Variants in MLPH observed in about 807,000 individuals in gnomAD.
MLPH encodes the protein melanophilin.
In MLPH, 51 loss-of-function variants were observed where a neutral mutation model predicts 72.1. The observed-to-expected ratio is 0.71, with a 90% CI of 0.56 to 0.89. The LOEUF (loss-of-function observed/expected upper bound fraction) is 0.89. Ranked by LOEUF, MLPH falls within the 40% of genes least tolerant of loss-of-function variation. The pLI, the probability that MLPH is intolerant of heterozygous loss-of-function variation, is 0.00. For missense variants in MLPH, 743 were observed against 759.9 expected, an observed-to-expected ratio of 0.98 and a Z score of 0.26; for synonymous variants, 301 against 310.1, an observed-to-expected ratio of 0.97 and a Z score of 0.31.
At chr2:237,503,806 C>T (rs575815964) in intron 2 of MLPH, among the ~76,000 whole-genome samples, 3 of 152,058 alleles carry the variant, frequency 2.0e-5, no homozygotes, top group South Asian at 2.1e-4. Flanking sequence ...GGATGCTTAC[C>T]GGTGGTAAGC....
chr2:237,528,948 T>C (rs543718757), intron 8 of MLPH, among the ~76,000 whole-genome samples: 3 of 152,230 alleles, frequency 2.0e-5, no homozygotes, highest in Non-Finnish European at 2.9e-5. Context: ...TTCATTCCTT[T>C]TTATGAAAAT....
intron 9 of MLPH, among the ~76,000 whole-genome samples, chr2:237,539,008 G>A (rs998201402): frequency 5.9e-5 from 9 of 152,334 alleles, no homozygotes; most frequent in South Asian, 4.1e-4. Context: ...GGAGGGAGCC[G>A]CTGCAGGAGA....
chr2:237,538,120 G>A (rs1019939008), intron 9 of MLPH, among the ~76,000 whole-genome samples: 1 of 152,256 alleles, frequency 6.6e-6, no homozygotes, highest in Non-Finnish European at 1.5e-5. Flanking sequence ...TCCTGACGAT[G>A]GGGAGGTGGC....
Position 237,542,569 on chromosome 2 carries a change from T to C in MLPH, c.1449T>C (p.Val483=). The C allele has an allele frequency of 1.3e-6, 2 of 1,599,078 alleles. No individual in the cohort carries two copies. Among genetic ancestry groups the C allele is most frequent in the Non-Finnish European group, 1.7e-6 (2 of 1,173,444 alleles). ...TTCTGTCTGCTGTCCTCTCGCAGGT[T>C]TCAGACATTGAATCCAGGATTGCAG... ...ASEVQQAESE[V]SDIESRIAAL... is the part of the protein sequence containing the mutation. The change falls in exon 12 of 16, where the codon GTT becomes GTC. Residue 483 remains valine (V), a splice_region_variant and synonymous_variant. Coordinates refer to ENST00000264605, the MANE Select transcript of MLPH (RefSeq NM_024101.7).
intron 2 of MLPH, among the ~76,000 whole-genome samples, chr2:237,508,308 C>T (rs1401452964): frequency 6.6e-6 from 1 of 152,052 alleles, no homozygotes; most frequent in Non-Finnish European, 1.5e-5. Flanking sequence ...GACGGGGTTT[C>T]ACCATGTTGG....
intron 4 of MLPH, chr2:237,518,312 T>G (rs1574861699): frequency 1.6e-6 from 1 of 618,232 alleles, no homozygotes; most frequent in Non-Finnish European, 3.0e-6. Flanking sequence ...AATGGGTGGG[T>G]GGGTAGGTGA....
rs138440069 is a variant in MLPH, at chr2:237,512,475, T to G, written c.445+1374T>G. Among the ~76,000 whole-genome samples, 14 of 152,216 alleles carry G rather than the reference T, an allele frequency of 9.2e-5. No individual in the cohort carries two copies. In the East Asian group the frequency reaches 2.7e-3, roughly 29 times the overall value. On this transcript the variant is annotated intron_variant, in intron 4 of 15. Transcript: ENST00000264605. This position sits in a 1 kb window ranked among gnomAD's most constrained non-coding sequence, Gnocchi z 5.5. The stretch of plus-strand genomic sequence containing the variant: ...TCAATCATCCAAACCAGGGCATTTT[T>G]AAGAGTAAAAGGAGGCTCTACTGAT...
rs976214292 is a variant in MLPH at position 237,546,788 on chromosome 2, T to G, written c.1617+105T>G. The stretch of plus-strand genomic sequence containing the variant: ...ACGGGGTGGCAGAGATGCAATGTCC[T>G]CACAGCTACCCACACAGCAATGCCC... On this transcript the variant is annotated intron_variant, in intron 13 of 15. Transcript: ENST00000264605. 1.9e-5 allele frequency: 18 copies of G among 928,976 alleles called. No individual in the cohort carries two copies. In the African/African-American group the frequency reaches 2.9e-4, roughly 15 times the overall value. 57.5% of individuals were successfully genotyped at this position (928,976 alleles called of 1,614,324 possible). A position where few individuals can be genotyped will look rare whatever the true frequency, so the allele number is the denominator to read the frequency against.
chr2:237,519,869 T>G, intron 5 of MLPH, 41 bp from the exon 6 acceptor site: 6 of 1,613,798 alleles, frequency 3.7e-6, no homozygotes, highest in Non-Finnish European at 5.1e-6. Context: ...TCCCTCAAGC[T>G]AGCCCTGACT....
At chr2:237,536,041 A>G (rs546816291) in intron 9 of MLPH, among the ~76,000 whole-genome samples, 1 of 152,336 alleles carries the variant, frequency 6.6e-6, no homozygotes, top group African/African-American at 2.4e-5. Context: ...CAACAGCTTT[A>G]AGTTTGAATG....
At chr2:237,516,849 A>C (rs1358176375) in intron 4 of MLPH, among the ~76,000 whole-genome samples, 2 of 146,162 alleles carry the variant, frequency 1.4e-5, no homozygotes, top group Non-Finnish European at 3.0e-5. Context: ...GGATGGATGG[A>C]TGGATGATAG....
At position 237,525,757 on chromosome 2, in the gene MLPH, C is replaced by A. The variant is rs774503165; in HGVS notation, c.832C>A (p.Pro278Thr). ...ACACGGCGCCCTGGCTGAGCTCTGC[C>A]CGCCTGGAGGCTCCCACAGGATGGC... is the stretch of plus-strand genomic sequence containing the variant. ...SRHGALAELC[P>T]PGGSHRMALG... The change falls in exon 7 of 16, where the codon CCG becomes ACG. Residue 278 changes from proline (P) to threonine (T), a missense_variant. By Grantham distance (38) the Pro-to-Thr change is conservative. Coordinates refer to ENST00000264605, the MANE Select transcript of MLPH (RefSeq NM_024101.7). The A allele has an allele frequency of 6.2e-7, 1 of 1,613,756 alleles. No individual in the cohort carries two copies. Among genetic ancestry groups the A allele is most frequent in the East Asian group, 2.2e-5 (1 of 44,896 alleles).
rs2079469610 is a variant in MLPH, at chr2:237,493,488, T to C, written c.62T>C (p.Val21Ala). The C allele has an allele frequency of 6.2e-7, 1 of 1,613,928 alleles. No individual in the cohort carries two copies. The highest frequency in any genetic ancestry group is 1.7e-5 in the Admixed American group (1 of 60,002). ...GAAGAGGCCCAGCATGTCTTGGAAG[T>C]TGTTCAACGAGATTTTGACCTCCGA... ...TDEEAQHVLE[V>A]VQRDFDLRRK... The change falls in exon 2 of 16, where the codon GTT becomes GCT. Residue 21 changes from valine to alanine, a missense_variant. Val to Ala is a moderately conservative substitution (Grantham distance 64). Coordinates refer to ENST00000264605, the MANE Select transcript of MLPH (RefSeq NM_024101.7).
chr2:237,553,670 T>C lies in MLPH; in HGVS notation c.*78T>C, dbSNP rs760151858. 4.4e-6 allele frequency: 7 copies of C among 1,580,606 alleles called. No individual in the cohort carries two copies. In the South Asian group the frequency reaches 7.7e-5, roughly 17 times the overall value. On this transcript the variant is annotated 3_prime_UTR_variant, in exon 16 of 16. Coordinates refer to ENST00000264605, the MANE Select transcript of MLPH (RefSeq NM_024101.7). ...GCCATCCTGTCCCTCATTGGCTCTG[T>C]GCTTTCCACTATACACAGTCACCGT...
At chr2:237,498,507 A>C (rs1460080260) in intron 2 of MLPH, among the ~76,000 whole-genome samples, 1 of 152,192 alleles carries the variant, frequency 6.6e-6, no homozygotes, top group Non-Finnish European at 1.5e-5. Context: ...TGAGACCCCC[A>C]TGAGCAGCAT....
chr2:237,501,726 G>A (rs1429445695), intron 2 of MLPH, among the ~76,000 whole-genome samples: 1 of 150,108 alleles, frequency 6.7e-6, no homozygotes, highest in African/African-American at 2.5e-5. Context: ...GCAGGTGCCT[G>A]TAATCCCAGC....
Position 237,510,845 on chromosome 2 carries a change from C to A in MLPH, c.332+50C>A. The A allele has an allele frequency of 6.2e-7, 1 of 1,603,086 alleles. No homozygotes were observed. Among genetic ancestry groups the A allele is most frequent in the Non-Finnish European group, 8.5e-7 (1 of 1,171,334 alleles). On this transcript the variant is annotated intron_variant, in intron 3 of 15. Coordinates refer to ENST00000264605, the MANE Select transcript of MLPH (RefSeq NM_024101.7). The surrounding 1 kb of genome is among the most constrained non-coding windows in gnomAD (Gnocchi z 4.4). Reference sequence around the variant, plus strand: ...TGACCTTGATAGTTTCTGGATCTGGCGTGTCCCTTCCATGGGGCTAGCTGA... The same window carrying A: ...TGACCTTGATAGTTTCTGGATCTGGAGTGTCCCTTCCATGGGGCTAGCTGA...
At chr2:237,545,510 C>A in intron 12 of MLPH, 3 of 1,015,702 alleles carry the variant, frequency 3.0e-6, no homozygotes, top group South Asian at 1.5e-5. Flanking sequence ...AACACACACA[C>A]CCTGACAGTG....
intron 4 of MLPH, among the ~76,000 whole-genome samples, chr2:237,516,774 G>A (rs2080027410): frequency 6.7e-6 from 1 of 149,494 alleles, no homozygotes; most frequent in African/African-American, 2.5e-5. Context: ...GGGAGAGGGA[G>A]AGATGAATGG....
Sources: allele counts gnomAD v4.1 joint callset (sites outside exome capture counted in the v4.1 genomes callset), GRCh38; gene constraint gnomAD v4.1.1; non-coding constraint Gnocchi (gnomAD v3.1); transcripts MANE v1.5; gene names NCBI Gene and HGNC (gene_info 2026-07-23, HGNC 2026-07-21).